ZNF33B: variants seen among roughly 807,000 people sequenced by gnomAD.
ZNF33B encodes zinc finger protein 33B.
ZNF33B carries 29 observed loss-of-function variants against 45.8 expected under a neutral mutation model. That is an observed-to-expected ratio of 0.63 (90% CI 0.47 to 0.86). ZNF33B has a LOEUF of 0.86. ZNF33B is among the 40% of genes least tolerant of loss of function. The pLI is 0.00. For synonymous variants in ZNF33B, 305 were observed against 307.8 expected (o/e 0.99, Z 0.10); for missense variants, 831 against 909.9 (o/e 0.91, Z 1.12).
At chr10:42,578,003 A>AC (rs1836772811) in intron 1 of ZNF33B, among the ~76,000 whole-genome samples, 1 of 151,612 alleles carries the variant, frequency 6.6e-6, no homozygotes, top group Non-Finnish European at 1.5e-5. Context: ...TGTGAAAACC[A>AC]CCCCTCCTCT....
At chr10:42,618,909 T>C (rs966598146) in intron 4 of ZNF33B, among the ~76,000 whole-genome samples, 6 of 152,194 alleles carry the variant, frequency 3.9e-5, no homozygotes, top group African/African-American at 1.4e-4. Flanking sequence ...TATACATTGA[T>C]CTGCACCAGA....
intron 2 of ZNF33B, among the ~76,000 whole-genome samples, chr10:42,635,239 CAAAA>C (rs71533034): frequency 2.0e-5 from 2 of 99,352 alleles, no homozygotes; most frequent in Admixed American, 1.1e-4. Flanking sequence ...AGACATTCTC[CAAAA>C]AAAAAAAAAA....
chr10:42,620,156 C>A (rs1396374463), intron 4 of ZNF33B, among the ~76,000 whole-genome samples: 1 of 145,620 alleles, frequency 6.9e-6, no homozygotes, highest in Non-Finnish European at 1.5e-5. Context: ...GAGGAGGTTG[C>A]AGTGAACCAA....
downstream of ZNF33B, among the ~76,000 whole-genome samples, chr10:42,586,079 T>G (rs889051097): frequency 1.8e-4 from 28 of 152,188 alleles, no homozygotes; most frequent in African/African-American, 6.8e-4. Flanking sequence ...GCTTTACGGT[T>G]TCTCTAGGGT....
chr10:42,577,491 G>C (rs1836765241), intron 1 of ZNF33B, among the ~76,000 whole-genome samples: 1 of 152,174 alleles, frequency 6.6e-6, no homozygotes, highest in East Asian at 1.9e-4. Flanking sequence ...GATCTTGTAA[G>C]TTGTCACTTG....
chr10:42,577,381 G>C (rs1836763206), intron 1 of ZNF33B, among the ~76,000 whole-genome samples: 1 of 151,922 alleles, frequency 6.6e-6, no homozygotes, highest in Non-Finnish European at 1.5e-5. Context: ...TTCCCATCTT[G>C]ATTCTCCAGT....
chr10:42,625,408 T>G (rs1359615173), intron 4 of ZNF33B, among the ~76,000 whole-genome samples: 1 of 152,220 alleles, frequency 6.6e-6, no homozygotes, highest in Non-Finnish European at 1.5e-5. Flanking sequence ...TGATTATATG[T>G]GTTCATCTTG....
At chr10:42,585,982 C>A (rs187308088), downstream of ZNF33B, among the ~76,000 whole-genome samples, 8 of 152,240 alleles carry the variant, frequency 5.3e-5, no homozygotes, top group East Asian at 1.5e-3. Flanking sequence ...ACCTGTGGGA[C>A]CAGAGTCAGG....
At chr10:42,629,411 AT>A (rs1336261029) in intron 4 of ZNF33B, among the ~76,000 whole-genome samples, 1 of 152,236 alleles carries the variant, frequency 6.6e-6, no homozygotes, top group Non-Finnish European at 1.5e-5. Flanking sequence ...ACAGTCAAAA[AT>A]AATTTAATTG....
At chr10:42,598,477 A>C (rs1837489425) in intron 4 of ZNF33B, among the ~76,000 whole-genome samples, 2 of 152,232 alleles carry the variant, frequency 1.3e-5, no homozygotes, top group Non-Finnish European at 2.9e-5. Context: ...CCAACAGCTT[A>C]GTAGGGCACT....
chr10:42,611,222 T>C (rs1838083717), intron 4 of ZNF33B, among the ~76,000 whole-genome samples: 1 of 152,004 alleles, frequency 6.6e-6, no homozygotes, highest in Non-Finnish European at 1.5e-5. Flanking sequence ...ATGCCTGTAA[T>C]CCTAGCTACT....
rs2132038608 is a variant in ZNF33B, at chr10:42,593,624, T to C, written c.1326A>G (p.Glu442=). Residue 442 remains glutamate (E), a synonymous_variant, in exon 5 of 5, where the codon GAA becomes GAG. Transcript: ENST00000359467. ...AGAAGGATTTTCCACATTCATAACA[T>C]TCATAGGGTTTCTGCCCTGTGTGTG... ...QRTHTGQKPY[E]CYECGKSFCM... 3 of 1,614,080 alleles carry C rather than the reference T, an allele frequency of 1.9e-6. No individual in the cohort carries two copies. The African/African-American group carries it at 4.0e-5, about 22-fold the overall frequency.
chr10:42,605,300 A>G (rs942980440), intron 4 of ZNF33B: 6 of 150,904 alleles, frequency 4.0e-5, no homozygotes, highest in African/African-American at 1.5e-4. Context: ...AAAAACTTGC[A>G]AATCTGTTGA....
At chr10:42,583,373 A>C in intron 1 of ZNF33B, 1 of 367,840 alleles carries the variant, frequency 2.7e-6, no homozygotes, top group Non-Finnish European at 5.2e-6. Context: ...AGAATCCAGA[A>C]TCTAGGTAAG....
At position 42,594,501 on chromosome 10, in the gene ZNF33B, T is replaced by C. The variant is rs768151571; in HGVS notation, c.449A>G (p.Asn150Ser). The part of the protein sequence containing the change: ...CQYDSRGMSF[N>S]TVSELVISKI... ...ACTGATAACCAATTCTGAAACAGTG[T>C]TGAAACTCATTCCACGTGAGTCATA... Residue 150 changes from asparagine to serine, a missense_variant, in exon 5 of 5, where the codon AAC becomes AGC. Asn to Ser is a conservative substitution (Grantham distance 46). Transcript: ENST00000359467. 3.1e-6 allele frequency: 5 copies of C among 1,613,134 alleles called. No individual in the cohort carries two copies. In the Admixed American group the frequency reaches 6.7e-5, roughly 22 times the overall value.
At position 42,599,359 on chromosome 10, in the gene ZNF33B, T is replaced by A. The variant is rs560460380; in HGVS notation, c.251-4660A>T. ...CTTCTACTATTATATGGATTTGTCT[T>A]CTTTTCTACATTCTCAAAGTGGAAT... On this transcript the variant is annotated intron_variant, in intron 4 of 4. Coordinates refer to ENST00000359467, the MANE Select transcript of ZNF33B (RefSeq NM_006955.3). Among the ~76,000 whole-genome samples, 28 of 152,024 alleles carry A rather than the reference T, an allele frequency of 1.8e-4. 3 individuals are homozygous for A. Among genetic ancestry groups the A allele is most frequent in the African/African-American group, 6.5e-4 (27 of 41,492 alleles).
Position 42,589,792 on chromosome 10 carries a change from CCT to C in ZNF33B, c.*2819_*2820del, listed in dbSNP as rs1491124337. ...TTCCAAATTTATGTGCATTTTATTT[CCT>C]TTTTTTTTGGTATCACTGCATTAGA... On this transcript the variant is annotated 3_prime_UTR_variant, in exon 5 of 5. Transcript: ENST00000359467. 6.9e-6 allele frequency: 1 copy of C among 145,056 alleles called. No individual in the cohort carries two copies. Among genetic ancestry groups the C allele is most frequent in the African/African-American group, 2.7e-5 (1 of 36,784 alleles). The allele number at this position is 145,056 out of a possible 1,614,324, so 9.0% of individuals were successfully genotyped here.
chr10:42,615,996 G>A (rs754278831), intron 4 of ZNF33B, among the ~76,000 whole-genome samples: 3 of 151,982 alleles, frequency 2.0e-5, no homozygotes, highest in African/African-American at 4.8e-5. Context: ...GCTGAGGTGC[G>A]TGGATAATCT....
At chr10:42,577,945 A>G (rs1360047407) in intron 1 of ZNF33B, among the ~76,000 whole-genome samples, 2 of 152,124 alleles carry the variant, frequency 1.3e-5, no homozygotes, top group African/African-American at 2.4e-5. Flanking sequence ...CTGTGTCATT[A>G]GGCAGTGAGT....
Sources: gnomAD v4.1 joint callset for allele counts (sites outside exome capture counted in the v4.1 genomes callset) on GRCh38, gnomAD v4.1.1 for gene constraint, MANE v1.5 for transcripts, NCBI Gene and HGNC (gene_info 2026-07-23, HGNC 2026-07-21) for gene names.